AGPAT3: variants seen among roughly 807,000 people sequenced by gnomAD.
The protein encoded by AGPAT3 is 1-acyl-sn-glycerol-3-phosphate acyltransferase gamma.
In AGPAT3, 5 loss-of-function variants were observed where a neutral mutation model predicts 47.3. The ratio of observed to expected loss-of-function variants is 0.11; its 90% confidence interval spans 0.06 to 0.22. The LOEUF is 0.22. Ranked by LOEUF, AGPAT3 falls within the 10% of genes least tolerant of loss-of-function variation. The probability of loss-of-function intolerance (pLI) is 1.00; values close to 1 mark genes in which losing one functional copy is unlikely to be tolerated. For synonymous variants in AGPAT3, 212 were observed against 208.3 expected, an observed-to-expected ratio of 1.02 and a Z score of -0.15; for missense variants, 315 against 493.0, an observed-to-expected ratio of 0.64 and a Z score of 3.42.
intron 2 of AGPAT3, among the ~76,000 whole-genome samples, chr21:43,942,963 G>C (rs891098715): frequency 6.6e-6 from 1 of 152,366 alleles, no homozygotes; most frequent in East Asian, 1.9e-4. Flanking sequence ...AGGAAGACAG[G>C]CCTCGGAGCC....
In AGPAT3 at chr21:43,959,637, G is replaced by C. The variant is rs370617345; in HGVS notation, c.-45G>C. 6.2e-7 allele frequency: 1 copy of C among 1,605,774 alleles called. No homozygotes were observed. Among genetic ancestry groups the C allele is most frequent in the Non-Finnish European group, 8.5e-7 (1 of 1,179,728 alleles). ...GTCCCTGTCCCTGTCTTTGCAGGACGGCTGTCCTCAGCGAGGGGCCGTGCA... is the reference window on the plus strand; with the variant it reads ...GTCCCTGTCCCTGTCTTTGCAGGACCGCTGTCCTCAGCGAGGGGCCGTGCA... On this transcript the variant is annotated 5_prime_UTR_variant, in exon 3 of 10. Coordinates refer to ENST00000291572, the MANE Select transcript of AGPAT3 (RefSeq NM_020132.5).
At chr21:43,921,960 C>T (rs1476225580) in intron 2 of AGPAT3, among the ~76,000 whole-genome samples, 4 of 152,124 alleles carry the variant, frequency 2.6e-5, no homozygotes, top group African/African-American at 9.7e-5. Context: ...CGGGGGTCAC[C>T]ATCAGTGTGA....
intron 2 of AGPAT3, among the ~76,000 whole-genome samples, chr21:43,957,564 G>A (rs1485894013): frequency 2.0e-5 from 3 of 149,930 alleles, no homozygotes; most frequent in Non-Finnish European, 4.5e-5. Flanking sequence ...TCCACACGGG[G>A]GTCTCGGGTT....
chr21:43,925,867 C>T (rs971831668), intron 2 of AGPAT3, among the ~76,000 whole-genome samples: 3 of 152,246 alleles, frequency 2.0e-5, no homozygotes, highest in East Asian at 1.9e-4. Context: ...GGCCAATCCT[C>T]GTCTGCTGCA....
intron 1 of AGPAT3, among the ~76,000 whole-genome samples, chr21:43,879,182 T>C (rs923770193): frequency 1.3e-5 from 2 of 151,880 alleles, no homozygotes; most frequent in Middle Eastern, 3.2e-3. Flanking sequence ...AAACCCTGTC[T>C]CTACTAAAAA....
At chr21:43,942,453 CCAGG>C (rs2087691825) in intron 2 of AGPAT3, among the ~76,000 whole-genome samples, 1 of 152,204 alleles carries the variant, frequency 6.6e-6, no homozygotes, top group Admixed American at 6.5e-5. Flanking sequence ...CCACACGTGC[CCAGG>C]TACCTGGCGA....
chr21:43,967,911 T>G, intron 3 of AGPAT3, 35 bp from the exon 4 acceptor site: 4 of 1,602,094 alleles, frequency 2.5e-6, no homozygotes, highest in Non-Finnish European at 3.4e-6. Flanking sequence ...GGAGGAGGGG[T>G]CCTACCAGTG....
chr21:43,896,841 A>AT (rs1282806376), intron 1 of AGPAT3, among the ~76,000 whole-genome samples: 1 of 115,138 alleles, frequency 8.7e-6, no homozygotes, highest in African/African-American at 3.3e-5. Context: ...TGTCTCTTTT[A>AT]TTTTTTTATT....
In AGPAT3 at chr21:43,954,263, C is replaced by T. The variant is rs1299180000; in HGVS notation, c.-48-5371C>T. Among the ~76,000 whole-genome samples the T allele has an allele frequency of 6.6e-6, 1 of 152,190 alleles. No homozygotes were observed. Among genetic ancestry groups the T allele is most frequent in the Non-Finnish European group, 1.5e-5 (1 of 68,040 alleles). On this transcript the variant is annotated intron_variant, in intron 2 of 9. Coordinates refer to ENST00000291572, the MANE Select transcript of AGPAT3 (RefSeq NM_020132.5). This position sits in a 1 kb window ranked among gnomAD's most constrained non-coding sequence, Gnocchi z 4.0. The stretch of plus-strand genomic sequence containing the variant: ...GAGGGAGGTGGCCTCTGCCTGCTGC[C>T]ATTGGAGGTTTGTGCAGTCAGGTTT...
chr21:43,912,696 G>A (rs889219609), intron 2 of AGPAT3, among the ~76,000 whole-genome samples: 5 of 152,194 alleles, frequency 3.3e-5, no homozygotes, highest in East Asian at 1.9e-4. Flanking sequence ...ATCACTTATC[G>A]TCAATAGTCC....
intron 2 of AGPAT3, among the ~76,000 whole-genome samples, chr21:43,915,643 C>T (rs944244187): frequency 6.6e-5 from 10 of 151,896 alleles, no homozygotes; most frequent in Non-Finnish European, 1.3e-4. Flanking sequence ...AACTCCTGAC[C>T]TCAAGTGATC....
intron 2 of AGPAT3, among the ~76,000 whole-genome samples, chr21:43,923,264 C>T (rs1046224030): frequency 2.0e-5 from 3 of 152,176 alleles, no homozygotes; most frequent in Non-Finnish European, 4.4e-5. Context: ...ACTCCATGTA[C>T]CTCCAGATTC....
chr21:43,944,489 C>T (rs1028250747), intron 2 of AGPAT3, among the ~76,000 whole-genome samples: 11 of 152,246 alleles, frequency 7.2e-5, no homozygotes, highest in Admixed American at 3.3e-4. Context: ...GAGGAGGCCG[C>T]GGGAGTCATC....
chr21:43,918,478 C>T (rs560700310), intron 2 of AGPAT3, among the ~76,000 whole-genome samples: 2 of 151,680 alleles, frequency 1.3e-5, no homozygotes, highest in East Asian at 3.9e-4. Flanking sequence ...GAAATGGAGA[C>T]AAGAGAAGAG....
chr21:43,979,695 C>T (rs923219833), intron 8 of AGPAT3, among the ~76,000 whole-genome samples: 1 of 152,178 alleles, frequency 6.6e-6, no homozygotes, highest in African/African-American at 2.4e-5. Flanking sequence ...GCCTGTCCTC[C>T]AACAGGCTTG....
At position 43,970,804 on chromosome 21, in the gene AGPAT3, C is replaced by A; in HGVS notation, c.662C>A (p.Thr221Lys). 1 of 1,572,874 alleles carries A rather than the reference C, an allele frequency of 6.4e-7. No individual in the cohort carries two copies. The highest frequency in any genetic ancestry group is 8.7e-7 in the Non-Finnish European group (1 of 1,153,706). Residue 221 changes from threonine (T) to lysine (K), a missense_variant and splice_region_variant, in exon 6 of 10, where the codon ACA becomes AAA. Transcript: ENST00000291572. The surrounding 1 kb of genome is among the most constrained non-coding windows in gnomAD (Gnocchi z 5.8). ...ACCGCAGTCAAGTGCCTCCGGGGGACAGGTAGGCCCCAGACTGCCCGAGCC... is the reference window on the plus strand; with the variant it reads ...ACCGCAGTCAAGTGCCTCCGGGGGAAAGGTAGGCCCCAGACTGCCCGAGCC... ...FTTAVKCLRG[T>K]VAAVYDVTLN...
chr21:43,960,869 G>C (rs2088799420), intron 3 of AGPAT3: 1 of 695,594 alleles, frequency 1.4e-6, no homozygotes, highest in African/African-American at 1.9e-5. Flanking sequence ...GGCTGGGCAT[G>C]GTGGCTCATG....
At chr21:43,897,881 G>C (rs982783894) in intron 1 of AGPAT3, among the ~76,000 whole-genome samples, 1 of 152,234 alleles carries the variant, frequency 6.6e-6, no homozygotes, top group Non-Finnish European at 1.5e-5. Flanking sequence ...GACTCCGTCT[G>C]CAATCCCAGC....
intron 2 of AGPAT3, among the ~76,000 whole-genome samples, chr21:43,945,375 TTTTCATTCACATTACACA>T (rs1353727560): frequency 1.3e-5 from 2 of 152,218 alleles, no homozygotes; most frequent in Non-Finnish European, 2.9e-5. Context: ...TTGGGGAGCA[TTTTCATTCACATTACACA>T]TTTCATTTCA....
Sources: allele counts gnomAD v4.1 joint callset (sites outside exome capture counted in the v4.1 genomes callset), GRCh38; gene constraint gnomAD v4.1.1; non-coding constraint Gnocchi (gnomAD v3.1); transcripts MANE v1.5; gene names NCBI Gene and HGNC (gene_info 2026-07-23, HGNC 2026-07-21).